Variants in COL14A1 observed in about 807,000 individuals in gnomAD.
COL14A1 encodes the protein collagen alpha-1(XIV) chain.
COL14A1 carries 136 observed loss-of-function variants against 230.3 expected under a neutral mutation model. The observed-to-expected ratio is 0.59, with a 90% CI of 0.51 to 0.68. COL14A1 has a LOEUF of 0.68. Among genes scored for constraint, COL14A1 ranks in the 30% least tolerant of loss-of-function variants. The probability of loss-of-function intolerance (pLI) is 0.00; values close to 1 mark genes in which losing one functional copy is unlikely to be tolerated. For missense variants in COL14A1, 1,976 were observed against 2,215.8 expected, an observed-to-expected ratio of 0.89 and a Z score of 2.17; for synonymous variants, 792 against 784.1, an observed-to-expected ratio of 1.01 and a Z score of -0.17.
At chr8:120,220,328 C>A (rs1045238522) in intron 14 of COL14A1, among the ~76,000 whole-genome samples, 12 of 146,258 alleles carry the variant, frequency 8.2e-5, no homozygotes, top group Non-Finnish European at 1.6e-4. Flanking sequence ...GGCTGGAGTG[C>A]AGTGGCACGA....
At chr8:120,151,525 A>G (rs979066990) in intron 2 of COL14A1, among the ~76,000 whole-genome samples, 2 of 151,028 alleles carry the variant, frequency 1.3e-5, no homozygotes, top group African/African-American at 4.9e-5. Flanking sequence ...CTGTAGTCCC[A>G]GCTGCTCAGG....
At chr8:120,360,934 C>A (rs906865374) in intron 45 of COL14A1, among the ~76,000 whole-genome samples, 1 of 152,138 alleles carries the variant, frequency 6.6e-6, no homozygotes, top group Non-Finnish European at 1.5e-5. Flanking sequence ...GAAGGGCAAA[C>A]CCCACCCCTG....
intron 42 of COL14A1, among the ~76,000 whole-genome samples, chr8:120,339,899 G>A (rs1336637683): frequency 1.3e-5 from 2 of 152,066 alleles, no homozygotes; most frequent in Non-Finnish European, 2.9e-5. Flanking sequence ...TTAGCCGGAT[G>A]TGGTGGCACG....
intron 26 of COL14A1, among the ~76,000 whole-genome samples, chr8:120,273,783 C>T (rs1819750894): frequency 7.1e-6 from 1 of 140,996 alleles, no homozygotes; most frequent in South Asian, 2.3e-4. Flanking sequence ...GAGATTGCAT[C>T]AGTGATTTTA....
intron 40 of COL14A1, among the ~76,000 whole-genome samples, chr8:120,323,778 G>A (rs1350259014): frequency 6.6e-6 from 1 of 152,056 alleles, no homozygotes; most frequent in Non-Finnish European, 1.5e-5. Context: ...TGGTCTATGT[G>A]TCTGTTCTTG....
chr8:120,307,264 C>G (rs1432847859), intron 36 of COL14A1, among the ~76,000 whole-genome samples: 1 of 152,058 alleles, frequency 6.6e-6, no homozygotes, highest in Non-Finnish European at 1.5e-5. Context: ...AGGTAGCCAG[C>G]CATAGTTTCT....
chr8:120,310,328 G>A (rs571368869), intron 37 of COL14A1, among the ~76,000 whole-genome samples: 43 of 152,258 alleles, frequency 2.8e-4, no homozygotes, highest in African/African-American at 8.7e-4. Context: ...CTCCAAGGTA[G>A]TTCTCTCAGA....
In COL14A1 at chr8:120,280,908, T is replaced by C; in HGVS notation, c.3686-13T>C. Reference sequence around the variant, plus strand: ...TTATGTTTATTCTTTTTCTACTTTTTTTTTTTTTTTAGGATTTAAGATGAT... The same window carrying C: ...TTATGTTTATTCTTTTTCTACTTTTCTTTTTTTTTTAGGATTTAAGATGAT... On this transcript the variant is annotated splice_polypyrimidine_tract_variant and intron_variant, in intron 30 of 47. Coordinates refer to ENST00000297848, the MANE Select transcript of COL14A1 (RefSeq NM_021110.4). The C allele has an allele frequency of 1.3e-6, 2 of 1,554,704 alleles. No individual in the cohort carries two copies. Among genetic ancestry groups the C allele is most frequent in the Non-Finnish European group, 1.7e-6 (2 of 1,154,058 alleles).
intron 12 of COL14A1, among the ~76,000 whole-genome samples, chr8:120,210,690 G>C (rs1435158778): frequency 2.0e-5 from 3 of 152,170 alleles, no homozygotes; most frequent in Non-Finnish European, 4.4e-5. Flanking sequence ...CTGGCACTTG[G>C]AAGTGTAATG....
chr8:120,128,009 G>A (rs1346175048), intron 1 of COL14A1, among the ~76,000 whole-genome samples: 1 of 152,188 alleles, frequency 6.6e-6, no homozygotes, highest in East Asian at 1.9e-4. Context: ...TAGAGTGGAG[G>A]GAGAAAGTTT....
chr8:120,260,473 A>G (rs1440945675), intron 23 of COL14A1, among the ~76,000 whole-genome samples: 1 of 152,192 alleles, frequency 6.6e-6, no homozygotes, highest in East Asian at 1.9e-4. Context: ...TCTGCAAATA[A>G]CATTTTGAAG....
chr8:120,130,483 T>C (rs1814491527), intron 1 of COL14A1, among the ~76,000 whole-genome samples: 1 of 152,200 alleles, frequency 6.6e-6, no homozygotes. Context: ...CCTTCCCTTA[T>C]TCCTACTTTA....
At chr8:120,280,851 T>C (rs1820012625) in intron 30 of COL14A1, 70 bp from the exon 31 acceptor site, 2 of 1,491,210 alleles carry the variant, frequency 1.3e-6, no homozygotes, top group Middle Eastern at 2.0e-4. Context: ...TAGAAAAATA[T>C]TAAAATTTAA....
Position 120,212,466 on chromosome 8 carries a change from C to A in COL14A1, c.1486C>A (p.His496Asn), listed in dbSNP as rs774512216. ...TTTTCAGATGAAAATTGGAGAGACCCACACAGATATTGAATTGAGTGGGTT... is the reference window on the plus strand; with the variant it reads ...TTTTCAGATGAAAATTGGAGAGACCAACACAGATATTGAATTGAGTGGGTT... ...DEKEMKIGETHTDIELSGLLP... is the reference protein window; with the variant it reads ...DEKEMKIGETNTDIELSGLLP... The change falls in exon 13 of 48, where the codon CAC becomes AAC. Residue 496 changes from histidine to asparagine, a missense_variant. His to Asn is a moderately conservative substitution (Grantham distance 68, BLOSUM62 1). This residue lies in a region of COL14A1 where 1,791 missense variants were observed against 2,019.5 expected (regional missense o/e 0.89). Coordinates refer to ENST00000297848, the MANE Select transcript of COL14A1 (RefSeq NM_021110.4). The A allele has an allele frequency of 3.1e-6, 5 of 1,613,254 alleles. No individual in the cohort carries two copies. In the South Asian group the frequency reaches 5.5e-5, roughly 18 times the overall value.
At chr8:120,248,403 G>A (rs1818828378) in intron 21 of COL14A1, among the ~76,000 whole-genome samples, 1 of 152,088 alleles carries the variant, frequency 6.6e-6, no homozygotes, top group Non-Finnish European at 1.5e-5. Flanking sequence ...ACCTCTTACA[G>A]TACCATCTCC....
At chr8:120,331,958 A>G (rs1188555961) in intron 40 of COL14A1, among the ~76,000 whole-genome samples, 183 bp from the exon 41 acceptor site, 1 of 152,222 alleles carries the variant, frequency 6.6e-6, no homozygotes, top group Non-Finnish European at 1.5e-5. Context: ...AATTTAATGG[A>G]GCCAACAGTC....
chr8:120,139,514 C>CT (rs1182076264), intron 1 of COL14A1, among the ~76,000 whole-genome samples: 1 of 152,140 alleles, frequency 6.6e-6, no homozygotes, highest in Non-Finnish European at 1.5e-5. Flanking sequence ...TTTGCCTAAA[C>CT]TTTTTTGCCA....
chr8:120,259,509 CT>C (rs1819261668), intron 23 of COL14A1, among the ~76,000 whole-genome samples: 2 of 152,238 alleles, frequency 1.3e-5, no homozygotes, highest in African/African-American at 4.8e-5. Flanking sequence ...GCCAATAGGC[CT>C]GAATTGCACA....
chr8:120,125,658 T>TGTGGCGGGAAGAA (rs1814305794), intron 1 of COL14A1, among the ~76,000 whole-genome samples: 1 of 152,116 alleles, frequency 6.6e-6, no homozygotes, highest in Admixed American at 6.6e-5. Context: ...GGGAAGAAGC[T>TGTGGCGGGAAGAA]GCGTTTGGCT....
Sources: gnomAD v4.1 joint callset for allele counts (sites outside exome capture counted in the v4.1 genomes callset) on GRCh38, gnomAD v4.1.1 for gene constraint, gnomAD v4.1.1 regional missense constraint, MANE v1.5 for transcripts, NCBI Gene and HGNC (gene_info 2026-07-23, HGNC 2026-07-21) for gene names.